The following SORCS2 variants were observed in gnomAD, a reference collection of about 807,000 sequenced individuals.
SORCS2 encodes the protein sortilin related VPS10 domain containing receptor 2.
SORCS2 carries 100 observed loss-of-function variants against 141.6 expected under a neutral mutation model. The observed-to-expected ratio is 0.71, with a 90% CI of 0.60 to 0.83. SORCS2 has a LOEUF of 0.83. Among genes scored for constraint, SORCS2 ranks in the 40% least tolerant of loss-of-function variants. The pLI is 0.00. For missense variants in SORCS2, 1,646 were observed against 1,560.2 expected, an observed-to-expected ratio of 1.05 and a Z score of -0.93; for synonymous variants, 789 against 676.9, an observed-to-expected ratio of 1.17 and a Z score of -2.57.
intron 2 of SORCS2, among the ~76,000 whole-genome samples, chr4:7,524,787 A>C (rs117659492): frequency 4.7e-5 from 7 of 147,388 alleles, no homozygotes; most frequent in Non-Finnish European, 7.5e-5. Context: ...CCCCCTCCCC[A>C]CCCCGCCGCC....
At chr4:7,402,761 G>C (rs182885334) in intron 2 of SORCS2, among the ~76,000 whole-genome samples, 140 of 152,302 alleles carry the variant, frequency 9.2e-4, no homozygotes, top group African/African-American at 3.3e-3. Context: ...ACTCAAGTGG[G>C]TGTGAGATTA....
chr4:7,394,470 T>C (rs116648457), intron 1 of SORCS2, among the ~76,000 whole-genome samples: 5,380 of 137,240 alleles, frequency 0.039, 363 homozygotes, highest in African/African-American at 0.14. Flanking sequence ...GTGGTGTGAG[T>C]CAGGCTGAGA....
intron 2 of SORCS2, among the ~76,000 whole-genome samples, chr4:7,495,066 C>T (rs747000243): frequency 1.1e-4 from 17 of 152,232 alleles, no homozygotes; most frequent in Non-Finnish European, 1.9e-4. Context: ...CAAGGCCCTG[C>T]GACGTCGAAA....
intron 3 of SORCS2, among the ~76,000 whole-genome samples, chr4:7,532,258 G>A (rs1711724972): frequency 6.6e-6 from 1 of 152,180 alleles, no homozygotes; most frequent in Non-Finnish European, 1.5e-5. Context: ...AAGCTGTCCT[G>A]TGAACCTGAC....
chr4:7,209,057 T>A (rs35831689), intron 1 of SORCS2, among the ~76,000 whole-genome samples: 47,915 of 152,190 alleles, frequency 0.31, 8,243 homozygotes, highest in Non-Finnish European at 0.38. Flanking sequence ...CCTGGCTTCA[T>A]GTGGCCCTGC....
At chr4:7,208,676 C>T (rs188167813) in intron 1 of SORCS2, among the ~76,000 whole-genome samples, 1 of 152,218 alleles carries the variant, frequency 6.6e-6, no homozygotes, top group Non-Finnish European at 1.5e-5. Flanking sequence ...GTGTCTCCCT[C>T]AGCCCTCCCT....
intron 1 of SORCS2, among the ~76,000 whole-genome samples, chr4:7,217,625 A>C (rs1002581507): frequency 3.3e-5 from 5 of 151,990 alleles, no homozygotes; most frequent in African/African-American, 1.2e-4. Context: ...GGTGGGGCAG[A>C]GTGGTGCGGC....
intron 1 of SORCS2, among the ~76,000 whole-genome samples, chr4:7,313,244 C>T (rs989717518): frequency 2.6e-5 from 4 of 152,260 alleles, no homozygotes; most frequent in African/African-American, 7.2e-5. Context: ...TAAACGTGCG[C>T]TGTGGGCATG....
chr4:7,512,143 T>C (rs1732694113), intron 2 of SORCS2, among the ~76,000 whole-genome samples: 3 of 151,982 alleles, frequency 2.0e-5, no homozygotes, highest in Admixed American at 2.0e-4. Flanking sequence ...GAAACAGATA[T>C]CAGAGGTGAG....
intron 2 of SORCS2, among the ~76,000 whole-genome samples, chr4:7,426,276 G>A (rs1316240370): frequency 6.8e-6 from 1 of 146,958 alleles, no homozygotes; most frequent in Non-Finnish European, 1.5e-5. Context: ...TGGCCCATCG[G>A]ATCCCGGGGC....
chr4:7,548,475 C>T (rs1428473039), intron 3 of SORCS2, among the ~76,000 whole-genome samples: 1 of 152,180 alleles, frequency 6.6e-6, no homozygotes, highest in Non-Finnish European at 1.5e-5. Flanking sequence ...AAGCCAGGCA[C>T]TCTGTGGAGT....
intron 2 of SORCS2, among the ~76,000 whole-genome samples, chr4:7,428,751 C>T (rs552568780): frequency 2.0e-5 from 3 of 152,240 alleles, no homozygotes; most frequent in African/African-American, 7.2e-5. Context: ...GTGGGGTCCA[C>T]CCGGCTGGTG....
At chr4:7,651,130 A>C (rs1350384292) in intron 4 of SORCS2, among the ~76,000 whole-genome samples, 1 of 152,192 alleles carries the variant, frequency 6.6e-6, no homozygotes, top group Non-Finnish European at 1.5e-5. Flanking sequence ...ACATATTGAA[A>C]TGCAAATGAA....
At chr4:7,309,429 C>A (rs1408489781) in intron 1 of SORCS2, among the ~76,000 whole-genome samples, 1 of 152,100 alleles carries the variant, frequency 6.6e-6, no homozygotes, top group Non-Finnish European at 1.5e-5. Flanking sequence ...AACGCTGAGG[C>A]CTTTCCCTTG....
intron 2 of SORCS2, among the ~76,000 whole-genome samples, chr4:7,496,047 G>C (rs1199550399): frequency 6.6e-6 from 1 of 152,238 alleles, no homozygotes. Flanking sequence ...CAGGCTAGCT[G>C]TCAGTTCCAA....
chr4:7,436,514 C>T (rs1560284010), intron 2 of SORCS2, among the ~76,000 whole-genome samples: 4 of 152,316 alleles, frequency 2.6e-5, no homozygotes, highest in Admixed American at 6.5e-5. Context: ...TGAGGGGGTG[C>T]GACCCAGGAG....
At chr4:7,316,024 A>T (rs1356912080) in intron 1 of SORCS2, among the ~76,000 whole-genome samples, 1 of 151,158 alleles carries the variant, frequency 6.6e-6, no homozygotes, top group African/African-American at 2.4e-5. Context: ...CTATCCACCC[A>T]TTCATCCATC....
At chr4:7,636,648 G>A (rs1720276840) in intron 3 of SORCS2, among the ~76,000 whole-genome samples, 1 of 152,022 alleles carries the variant, frequency 6.6e-6, no homozygotes, top group Non-Finnish European at 1.5e-5. Context: ...CCGGGATAAG[G>A]GTGTCTCCTC....
chr4:7,662,019 A>T (rs1722206942), intron 6 of SORCS2, among the ~76,000 whole-genome samples: 1 of 152,096 alleles, frequency 6.6e-6, no homozygotes, highest in African/African-American at 2.4e-5. Context: ...CTGAGCCAGG[A>T]TGTGTCCCCA....
Sources: gnomAD v4.1 joint callset for allele counts (sites outside exome capture counted in the v4.1 genomes callset) on GRCh38, gnomAD v4.1.1 for gene constraint, MANE v1.5 for transcripts, NCBI Gene and HGNC (gene_info 2026-07-23, HGNC 2026-07-21) for gene names.